FRS2: variants seen among roughly 807,000 people sequenced by gnomAD.
The protein encoded by FRS2 is FGFR signalling adaptor.
FRS2 carries 8 observed loss-of-function variants against 43.9 expected under a neutral mutation model. The observed-to-expected ratio is 0.18, with a 90% confidence interval of 0.11 to 0.33. The LOEUF is 0.33. FRS2 is among the 10% of genes least tolerant of loss of function. The pLI is 1.00. For missense variants in FRS2, 534 were observed against 627.6 expected, an observed-to-expected ratio of 0.85 and a Z score of 1.59; for synonymous variants, 219 against 220.3, an observed-to-expected ratio of 0.99 and a Z score of 0.05.
intron 3 of FRS2, among the ~76,000 whole-genome samples, chr12:69,541,547 C>G (rs1877900815): frequency 2.6e-5 from 4 of 151,986 alleles, no homozygotes; most frequent in Admixed American, 2.0e-4. Context: ...AACACTGGGC[C>G]AGGTGCAGTG....
chr12:69,536,317 G>T (rs1312236089), intron 3 of FRS2, among the ~76,000 whole-genome samples: 1 of 150,940 alleles, frequency 6.6e-6, no homozygotes, highest in African/African-American at 2.4e-5. Flanking sequence ...TAGAGATGGG[G>T]TTTCCCATTT....
At chr12:69,565,821 AT>A (rs150924893) in intron 4 of FRS2, among the ~76,000 whole-genome samples, 7 of 150,528 alleles carry the variant, frequency 4.7e-5, no homozygotes, top group South Asian at 2.1e-4. Flanking sequence ...TTTACAGTTA[AT>A]TTTTTTTTTA....
At position 69,563,257 on chromosome 12, in the gene FRS2, G is replaced by A. The variant is rs375039180; in HGVS notation, c.-27+983G>A. ...CCTTTTCCCTTGCCTCAGAGTTTGTGGTTTAGGAGAAAGAATCAGATATGT... is the reference window on the plus strand; with the variant it reads ...CCTTTTCCCTTGCCTCAGAGTTTGTAGTTTAGGAGAAAGAATCAGATATGT... On this transcript the variant is annotated intron_variant, in intron 4 of 8. Coordinates refer to ENST00000549921, the MANE Select transcript of FRS2 (RefSeq NM_001278356.2). Among the ~76,000 whole-genome samples the A allele has an allele frequency of 1.3e-4, 20 of 152,118 alleles. No individual in the cohort carries two copies. The South Asian group carries it at 4.0e-3, about 30-fold the overall frequency.
rs550112835 is a variant in FRS2, at chr12:69,503,198, C to G, written c.-260-27667C>G. Among the ~76,000 whole-genome samples the G allele has an allele frequency of 5.9e-5, 9 of 152,326 alleles. No homozygotes were observed. The East Asian group carries it at 1.7e-3, about 29-fold the overall frequency. Reference sequence around the variant, plus strand: ...TGTTGGCTGTCAGCTGGGAGCCACTCTCAGCTTATAGATGCTGCCTTTATT... The same window carrying G: ...TGTTGGCTGTCAGCTGGGAGCCACTGTCAGCTTATAGATGCTGCCTTTATT... On this transcript the variant is annotated intron_variant, in intron 1 of 8. Transcript: ENST00000549921.
At chr12:69,567,319 T>C (rs1366032064) in intron 4 of FRS2, among the ~76,000 whole-genome samples, 2 of 152,222 alleles carry the variant, frequency 1.3e-5, no homozygotes, top group Non-Finnish European at 2.9e-5. Context: ...TTTACTATTA[T>C]ATGTTATCAT....
At chr12:69,556,072 T>TA (rs1048768135) in intron 3 of FRS2, among the ~76,000 whole-genome samples, 6 of 151,100 alleles carry the variant, frequency 4.0e-5, no homozygotes, top group African/African-American at 1.5e-4. Flanking sequence ...TATTAGACTT[T>TA]AAAAAAAAAT....
chr12:69,470,847 C>T (rs79384554), intron 1 of FRS2, among the ~76,000 whole-genome samples: 3,789 of 152,188 alleles, frequency 0.025, 145 homozygotes, highest in African/African-American at 0.086. Context: ...CAAACCTCGC[C>T]GCTCCCTAGT....
rs1418985750 is a variant in FRS2 at position 69,498,314 on chromosome 12, C to T, written c.-261+27784C>T. Among the ~76,000 whole-genome samples, 3 of 152,130 alleles carry T rather than the reference C, an allele frequency of 2.0e-5. No homozygotes were observed. In the East Asian group the frequency reaches 5.8e-4, roughly 29 times the overall value. On this transcript the variant is annotated intron_variant, in intron 1 of 8. Transcript: ENST00000549921. The stretch of plus-strand genomic sequence containing the variant: ...TAAAAGTATAAGGCACAATGACTAT[C>T]CTCAGACTGCTAATAGTCTAGTAGA...
intron 4 of FRS2, among the ~76,000 whole-genome samples, chr12:69,564,636 A>T (rs778068656): frequency 1.3e-5 from 2 of 151,592 alleles, no homozygotes; most frequent in Non-Finnish European, 2.9e-5. Context: ...ATGTTCCTTA[A>T]ATTTATTCTT....
intron 1 of FRS2, chr12:69,486,423 A>G (rs1438435053): frequency 6.6e-6 from 1 of 152,264 alleles, no homozygotes; most frequent in Non-Finnish European, 1.5e-5. Flanking sequence ...AACTTGATCA[A>G]TAAATGTGTG....
Position 69,527,559 on chromosome 12 carries a change from A to G in FRS2, c.-260-3306A>G, listed in dbSNP as rs564251664. 2.6e-5 allele frequency among the ~76,000 whole-genome samples: 4 copies of G among 152,070 alleles called. No individual in the cohort carries two copies. The East Asian group carries it at 7.7e-4, about 29-fold the overall frequency. ...CACAAATATGGGATTTGTCGTTAAT[A>G]ACTGTATTCCAGTTTACTGCAGATT... is the stretch of plus-strand genomic sequence containing the variant. On this transcript the variant is annotated intron_variant, in intron 1 of 8. Transcript: ENST00000549921.
chr12:69,565,718 T>C (rs575623980), intron 4 of FRS2, among the ~76,000 whole-genome samples: 1 of 152,302 alleles, frequency 6.6e-6, no homozygotes, highest in African/African-American at 2.4e-5. Flanking sequence ...GTTGTCCCAC[T>C]GGAAAGTCTT....
intron 1 of FRS2, among the ~76,000 whole-genome samples, chr12:69,513,786 CA>C (rs1470553714): frequency 2.3e-4 from 35 of 152,048 alleles, no homozygotes; most frequent in Middle Eastern, 3.2e-3. Context: ...GTTGGGAATA[CA>C]TAGGTTGGTT....
At chr12:69,515,755 A>G (rs913958006) in intron 1 of FRS2, among the ~76,000 whole-genome samples, 4 of 151,644 alleles carry the variant, frequency 2.6e-5, no homozygotes, top group Admixed American at 1.3e-4. Context: ...CTGTATCAGG[A>G]AAGTCATTGA....
At chr12:69,521,358 T>A (rs1875619907) in intron 1 of FRS2, among the ~76,000 whole-genome samples, 1 of 152,216 alleles carries the variant, frequency 6.6e-6, no homozygotes, top group Non-Finnish European at 1.5e-5. Flanking sequence ...CAAGGATAGT[T>A]TGACTTCCTC....
chr12:69,540,020 G>A (rs181159100), intron 3 of FRS2, among the ~76,000 whole-genome samples: 9 of 151,482 alleles, frequency 5.9e-5, no homozygotes, highest in Admixed American at 2.0e-4. Flanking sequence ...TTGGGAGGCC[G>A]AGGCGGGTGG....
In FRS2 at chr12:69,578,262, A is replaced by G. The variant is rs1032472113; in HGVS notation, c.*3307A>G. 12 of 152,650 alleles carry G rather than the reference A, an allele frequency of 7.9e-5. No homozygotes were observed. Among genetic ancestry groups the G allele is most frequent in the Non-Finnish European group, 1.0e-4 (7 of 68,018 alleles). 9.5% of individuals were successfully genotyped at this position (152,650 alleles called of 1,614,324 possible). ...CATACCATCAGAGACATCATTCACA[A>G]GTAACTGATGTATTGGCATCTCATT... On this transcript the variant is annotated 3_prime_UTR_variant, in exon 9 of 9. Transcript: ENST00000549921.
intron 1 of FRS2, among the ~76,000 whole-genome samples, chr12:69,522,258 A>C (rs2135618767): frequency 6.8e-6 from 1 of 146,660 alleles, no homozygotes; most frequent in South Asian, 2.2e-4. Context: ...TTTTGGTATC[A>C]GGATGATGCT....
chr12:69,493,462 T>G (rs1219874201), intron 1 of FRS2, among the ~76,000 whole-genome samples: 2 of 152,254 alleles, frequency 1.3e-5, no homozygotes, highest in East Asian at 3.8e-4. Context: ...GGCTCACGCC[T>G]GTGATCCCAG....
Sources: allele counts gnomAD v4.1 joint callset (sites outside exome capture counted in the v4.1 genomes callset), GRCh38; gene constraint gnomAD v4.1.1; transcripts MANE v1.5; gene names NCBI Gene and HGNC (gene_info 2026-07-23, HGNC 2026-07-21).